Variants in SPTBN1 observed in about 807,000 individuals in gnomAD.
SPTBN1 encodes spectrin beta, non-erythrocytic 1.
In SPTBN1, 32 loss-of-function variants were observed where a neutral mutation model predicts 266.4. That is an observed-to-expected ratio of 0.12 (90% CI 0.09 to 0.16). The LOEUF is 0.16. Among genes scored for constraint, SPTBN1 ranks in the 10% least tolerant of loss-of-function variants. SPTBN1 has a pLI of 1.00. For synonymous variants in SPTBN1, 1,336 were observed against 1,162.2 expected (o/e 1.15, Z -3.04); for missense variants, 2,296 against 3,067.1 (o/e 0.75, Z 5.94).
At chr2:54,499,523 G>C (rs1385062786) in intron 1 of SPTBN1, among the ~76,000 whole-genome samples, 3 of 152,246 alleles carry the variant, frequency 2.0e-5, no homozygotes, top group Non-Finnish European at 4.4e-5. Flanking sequence ...AAAACGTGGA[G>C]CCAAGGGGAG....
intron 2 of SPTBN1, among the ~76,000 whole-genome samples, chr2:54,596,537 A>T (rs908565629): frequency 6.6e-6 from 1 of 151,974 alleles, no homozygotes; most frequent in Non-Finnish European, 1.5e-5. Context: ...GTCTTTTCCA[A>T]CGTGGGGGTG....
chr2:54,585,242 T>C (rs978998765), intron 2 of SPTBN1, among the ~76,000 whole-genome samples: 1 of 152,206 alleles, frequency 6.6e-6, no homozygotes, highest in Non-Finnish European at 1.5e-5. Context: ...TGGTTAGTGT[T>C]CCTATAATGC....
intron 3 of SPTBN1, among the ~76,000 whole-genome samples, chr2:54,611,586 T>A (rs1677216988): frequency 6.6e-6 from 1 of 152,154 alleles, no homozygotes; most frequent in Non-Finnish European, 1.5e-5. Context: ...GGTATTTAAA[T>A]TGCACTACAC....
At chr2:54,627,890 G>A (rs1373406656) in intron 12 of SPTBN1, among the ~76,000 whole-genome samples, 1 of 144,560 alleles carries the variant, frequency 6.9e-6, no homozygotes, top group Non-Finnish European at 1.5e-5. Context: ...TCCTTAGTTT[G>A]TGATAGCTCT....
intron 1 of SPTBN1, among the ~76,000 whole-genome samples, chr2:54,461,889 C>G (rs902776900): frequency 3.4e-4 from 52 of 152,004 alleles, no homozygotes; most frequent in Non-Finnish European, 6.5e-4. Flanking sequence ...TTTTGATGAT[C>G]GGTTATTTGT....
At chr2:54,519,465 C>T (rs1670298598) in intron 1 of SPTBN1, among the ~76,000 whole-genome samples, 1 of 152,080 alleles carries the variant, frequency 6.6e-6, no homozygotes, top group Admixed American at 6.5e-5. Flanking sequence ...GTAGTGATAC[C>T]TGAGCTAGGA....
At position 54,664,707 on chromosome 2, in the gene SPTBN1, G is replaced by T; in HGVS notation, c.6659+16G>T. On this transcript the variant is annotated intron_variant, in intron 33 of 35. Coordinates refer to ENST00000356805, the MANE Select transcript of SPTBN1 (RefSeq NM_003128.3). The surrounding 1 kb of genome is among the most constrained non-coding windows in gnomAD (Gnocchi z 5.6). ...CCTCAAGCAGGTAACAGCAGCAGAG[G>T]CTGCCACAGTAAGATGGGAAGTCAG... is the stretch of plus-strand genomic sequence containing the variant. The T allele has an allele frequency of 6.2e-7, 1 of 1,611,880 alleles. No individual in the cohort carries two copies. The highest frequency in any genetic ancestry group is 8.5e-7 in the Non-Finnish European group (1 of 1,178,528).
In SPTBN1 at chr2:54,668,508, G is replaced by A. The variant is rs753996702; in HGVS notation, c.7034G>A (p.Arg2345Gln). 19 of 1,614,074 alleles carry A rather than the reference G, an allele frequency of 1.2e-5. No individual in the cohort carries two copies. The highest frequency in any genetic ancestry group is 4.5e-5 in the East Asian group (2 of 44,878). ...ACCAGCGAGTCCAGTCCCGGCAAGC[G>A]GGAAAAGGACAAAGAGAAAGACAAA... ...TITSESSPGKREKDKEKDKEK... is the reference protein window; with the variant it reads ...TITSESSPGKQEKDKEKDKEK... The change falls in exon 36 of 36, where the codon CGG (arginine) becomes CAG (glutamine). Residue 2345 changes from arginine (R) to glutamine (Q), a missense_variant. By Grantham distance (43) the Arg-to-Gln change is conservative (BLOSUM62 1). Around this residue, in one of 12 missense-constraint regions of SPTBN1, gnomAD observed 347 missense variants for 368.5 expected, o/e 0.94. Coordinates refer to ENST00000356805, the MANE Select transcript of SPTBN1 (RefSeq NM_003128.3).
intron 1 of SPTBN1, among the ~76,000 whole-genome samples, chr2:54,518,339 G>T (rs1346613143): frequency 6.6e-6 from 1 of 151,340 alleles, no homozygotes; most frequent in Non-Finnish European, 1.5e-5. Flanking sequence ...AGCATTAGGA[G>T]AAATGCCTAA....
chr2:54,571,823 A>C (rs529312194), intron 2 of SPTBN1, among the ~76,000 whole-genome samples: 1 of 152,342 alleles, frequency 6.6e-6, no homozygotes, highest in East Asian at 1.9e-4. Context: ...AAAGTGATTT[A>C]GCTGGTTTTC....
At chr2:54,612,118 T>G in intron 3 of SPTBN1, 43 bp from the exon 4 acceptor site, 1 of 1,532,998 alleles carries the variant, frequency 6.5e-7, no homozygotes, top group Non-Finnish European at 8.8e-7. Context: ...TCATCTCTAC[T>G]CTGTTGGGTG....
chr2:54,618,003 T>G, intron 6 of SPTBN1, 75 bp from the exon 7 acceptor site: 1 of 1,196,414 alleles, frequency 8.4e-7, no homozygotes, highest in African/African-American at 1.5e-5. Flanking sequence ...CTTTTTGGAG[T>G]AACAGTCATG....
intron 1 of SPTBN1, among the ~76,000 whole-genome samples, chr2:54,468,400 C>A (rs1693749403): frequency 6.6e-6 from 1 of 151,922 alleles, no homozygotes. Flanking sequence ...CTCTTTTAAG[C>A]CTTTTTTTTC....
intron 1 of SPTBN1, among the ~76,000 whole-genome samples, chr2:54,519,443 A>C (rs74473967): frequency 0.037 from 5,587 of 152,226 alleles, 150 homozygotes; most frequent in Admixed American, 0.088. Flanking sequence ...TGATTTGAGG[A>C]GGTTCCTGGA....
intron 34 of SPTBN1, 105 bp from the exon 35 acceptor site, chr2:54,667,499 T>A: frequency 9.1e-7 from 1 of 1,098,716 alleles, no homozygotes; most frequent in Non-Finnish European, 1.4e-6. Flanking sequence ...ACGCTTCTGT[T>A]GTGACTCCTG....
intron 2 of SPTBN1, among the ~76,000 whole-genome samples, chr2:54,568,428 A>G (rs1343688765): frequency 1.3e-5 from 2 of 151,978 alleles, no homozygotes; most frequent in African/African-American, 4.8e-5. Flanking sequence ...TCCTATGAAC[A>G]GACAAGGAAA....
chr2:54,597,155 A>T (rs927679787), intron 2 of SPTBN1, among the ~76,000 whole-genome samples: 12 of 152,346 alleles, frequency 7.9e-5, no homozygotes, highest in Admixed American at 3.9e-4. Context: ...TCACAAAAAA[A>T]ATTGTTAACC....
intron 1 of SPTBN1, among the ~76,000 whole-genome samples, chr2:54,465,639 C>CATATATATATATATATAT (rs70944167): frequency 9.6e-4 from 112 of 116,312 alleles, no homozygotes; most frequent in Admixed American, 2.7e-3. Context: ...ATGTTTATCT[C>CATATATATATATATATAT]ATATATATAT....
At chr2:54,564,061 A>G (rs1401938906) in intron 2 of SPTBN1, among the ~76,000 whole-genome samples, 1 of 152,222 alleles carries the variant, frequency 6.6e-6, no homozygotes, top group African/African-American at 2.4e-5. Flanking sequence ...ACTTGAATAC[A>G]TACTGCTGGC....
Sources: gnomAD v4.1 joint callset for allele counts (sites outside exome capture counted in the v4.1 genomes callset) on GRCh38, gnomAD v4.1.1 for gene constraint, gnomAD v4.1.1 regional missense constraint, Gnocchi (gnomAD v3.1) non-coding constraint, MANE v1.5 for transcripts, NCBI Gene and HGNC (gene_info 2026-07-23, HGNC 2026-07-21) for gene names.